The following RAPGEF5 variants were observed in gnomAD, a reference collection of about 807,000 sequenced individuals.
RAPGEF5 encodes Rap guanine nucleotide exchange factor 5, also known as M-Ras-regulated GEF.
Under a neutral mutation model 125.2 loss-of-function variants are expected in RAPGEF5, and 65 were observed. The observed-to-expected ratio is 0.52, with a 90% CI of 0.43 to 0.64. The LOEUF (loss-of-function observed/expected upper bound fraction) is 0.64, where lower values mean the gene tolerates loss of function less well. Ranked by LOEUF, RAPGEF5 falls within the 30% of genes least tolerant of loss-of-function variation. The pLI, the probability that RAPGEF5 is intolerant of heterozygous loss-of-function variation, is 0.00. For missense variants in RAPGEF5, 958 were observed against 1,048.1 expected, an observed-to-expected ratio of 0.91 and a Z score of 1.19; for synonymous variants, 391 against 385.9, an observed-to-expected ratio of 1.01 and a Z score of -0.16.
chr7:22,316,399 CTATA>C (rs200119874), intron 2 of RAPGEF5, among the ~76,000 whole-genome samples: 1 of 135,116 alleles, frequency 7.4e-6, no homozygotes, highest in Non-Finnish European at 1.6e-5. Flanking sequence ...TGTGTATCTA[CTATA>C]TATATATATA....
chr7:22,214,241 C>A (rs994652797), intron 9 of RAPGEF5, among the ~76,000 whole-genome samples: 2 of 152,156 alleles, frequency 1.3e-5, no homozygotes, highest in African/African-American at 4.8e-5. Flanking sequence ...TCCCACCCAT[C>A]CATATTTCAT....
intron 21 of RAPGEF5, among the ~76,000 whole-genome samples, chr7:22,138,053 A>C (rs150502811): frequency 1.3e-5 from 2 of 151,526 alleles, no homozygotes; most frequent in South Asian, 4.2e-4. Flanking sequence ...GCACACACAC[A>C]CCCCAACAAA....
intron 3 of RAPGEF5, among the ~76,000 whole-genome samples, chr7:22,311,455 T>G (rs1205438598): frequency 6.6e-6 from 1 of 152,198 alleles, no homozygotes; most frequent in Non-Finnish European, 1.5e-5. Context: ...TTGGCATAGT[T>G]ACAAATACCC....
At chr7:22,199,196 C>G (rs542173011) in intron 9 of RAPGEF5, among the ~76,000 whole-genome samples, 2 of 152,254 alleles carry the variant, frequency 1.3e-5, no homozygotes, top group South Asian at 4.1e-4. Context: ...TTGACAGGAG[C>G]TGAATGCAGT....
chr7:22,283,746 T>C (rs1782729583), intron 6 of RAPGEF5, among the ~76,000 whole-genome samples: 1 of 152,210 alleles, frequency 6.6e-6, no homozygotes, highest in South Asian at 2.1e-4. Flanking sequence ...GTGATTTTCA[T>C]CTCAGAAACA....
chr7:22,125,699 T>C, intron 24 of RAPGEF5, 41 bp from the exon 25 acceptor site: 1 of 1,554,108 alleles, frequency 6.4e-7, no homozygotes, highest in Non-Finnish European at 8.9e-7. Context: ...GAAGGGTCGT[T>C]GAGGGTGTTA....
chr7:22,141,686 C>T (rs1013293953), intron 20 of RAPGEF5, among the ~76,000 whole-genome samples: 2 of 152,226 alleles, frequency 1.3e-5, no homozygotes, highest in Non-Finnish European at 2.9e-5. Flanking sequence ...ACACATCTTG[C>T]AGGCACCTTG....
intron 11 of RAPGEF5, chr7:22,191,551 G>C (rs1378627317): frequency 4.2e-6 from 2 of 471,008 alleles, no homozygotes; most frequent in Non-Finnish European, 4.4e-6. Context: ...ACTTAGGTTG[G>C]TGCTAGGAGA....
intron 17 of RAPGEF5, among the ~76,000 whole-genome samples, chr7:22,153,659 C>T (rs1259457922): frequency 6.6e-6 from 1 of 152,194 alleles, no homozygotes; most frequent in African/African-American, 2.4e-5. Context: ...TGCGGTTAAT[C>T]TGCTCCCCTC....
At chr7:22,177,248 T>C (rs985636082) in intron 11 of RAPGEF5, among the ~76,000 whole-genome samples, 4 of 152,242 alleles carry the variant, frequency 2.6e-5, no homozygotes. Context: ...CTGATGAATA[T>C]CACACTCCTG....
chr7:22,282,200 A>T (rs13234474), intron 6 of RAPGEF5, among the ~76,000 whole-genome samples: 13,001 of 152,154 alleles, frequency 0.085, 780 homozygotes, highest in East Asian at 0.32. Context: ...CACCACAGAG[A>T]ACCTTTACAG....
rs1239433240 is a variant in RAPGEF5 at position 22,257,564 on chromosome 7, G to A, written c.796+9400C>T. 3.9e-5 allele frequency among the ~76,000 whole-genome samples: 6 copies of A among 152,286 alleles called. 1 individual carries two copies. In the South Asian group the frequency reaches 1.0e-3, roughly 26 times the overall value. The stretch of plus-strand genomic sequence containing the variant: ...TGTGCCCAGCTAGGGTTTGATAAAG[G>A]AACAAATGAATACAATACCTATGAC... On this transcript the variant is annotated intron_variant, in intron 7 of 25. Transcript: ENST00000665637.
At chr7:22,243,762 T>A (rs1361854800) in intron 7 of RAPGEF5, among the ~76,000 whole-genome samples, 1 of 152,218 alleles carries the variant, frequency 6.6e-6, no homozygotes, top group Non-Finnish European at 1.5e-5. Context: ...CTTCCATACT[T>A]ATCATTTTTT....
chr7:22,157,910 C>A, intron 14 of RAPGEF5, 25 bp from the exon 15 acceptor site: 1 of 1,601,108 alleles, frequency 6.2e-7, no homozygotes, highest in Non-Finnish European at 8.6e-7. Flanking sequence ...GGCAAGAAGT[C>A]AGTCTTTGTC....
At chr7:22,232,030 G>C (rs796586152) in intron 7 of RAPGEF5, among the ~76,000 whole-genome samples, 15 of 152,296 alleles carry the variant, frequency 9.8e-5, no homozygotes, top group African/African-American at 3.6e-4. Flanking sequence ...AGATGACAAT[G>C]ACTCAGATCA....
chr7:22,132,547 C>T (rs2128100249), intron 23 of RAPGEF5, among the ~76,000 whole-genome samples: 1 of 152,276 alleles, frequency 6.6e-6, no homozygotes, highest in South Asian at 2.1e-4. Context: ...AAAGAGAAGT[C>T]AACACAGGTT....
At chr7:22,289,135 T>A (rs1465106936) in intron 6 of RAPGEF5, among the ~76,000 whole-genome samples, 1 of 152,166 alleles carries the variant, frequency 6.6e-6, no homozygotes, top group Non-Finnish European at 1.5e-5. Context: ...ATTTACGACT[T>A]TACTTATTCA....
rs548724962 is a variant in RAPGEF5, at chr7:22,238,294, G to A, written c.797-7375C>T. Among the ~76,000 whole-genome samples the A allele has an allele frequency of 5.9e-5, 9 of 152,178 alleles. 1 individual carries two copies. The highest frequency in any genetic ancestry group is 1.9e-4 in the East Asian group (1 of 5,186). ...TGGAATTTAGCAATTCACTTTTCTC[G>A]AATTATCTCAATTAGGAATTTTTCT... On this transcript the variant is annotated intron_variant, in intron 7 of 25. Coordinates refer to ENST00000665637, the MANE Select transcript of RAPGEF5 (RefSeq NM_012294.5).
At chr7:22,266,689 T>C (rs1231411062) in intron 7 of RAPGEF5, among the ~76,000 whole-genome samples, 2 of 152,190 alleles carry the variant, frequency 1.3e-5, no homozygotes, top group African/African-American at 4.8e-5. Context: ...ATGGTTGCAA[T>C]GGACTTCAAA....
Sources: allele counts gnomAD v4.1 joint callset (sites outside exome capture counted in the v4.1 genomes callset), GRCh38; gene constraint gnomAD v4.1.1; transcripts MANE v1.5; gene names NCBI Gene and HGNC (gene_info 2026-07-23, HGNC 2026-07-21).